Variants in DTNBP1 observed in about 807,000 individuals in gnomAD.
DTNBP1 encodes dystrobrevin binding protein 1.
A neutral mutation model predicts 42.8 loss-of-function variants in DTNBP1; 35 were observed. The observed-to-expected ratio is 0.82, with a 90% CI of 0.63 to 1.09. The LOEUF (loss-of-function observed/expected upper bound fraction) is 1.09, where lower values mean the gene tolerates loss of function less well. Among genes scored for constraint, DTNBP1 ranks in the 50% least tolerant of loss-of-function variants. DTNBP1 has a pLI of 0.00. For missense variants in DTNBP1, 457 were observed against 424.2 expected (o/e 1.08, Z -0.68); for synonymous variants, 171 against 162.2 (o/e 1.05, Z -0.41).
intron 5 of DTNBP1, among the ~76,000 whole-genome samples, chr6:15,624,645 A>T (rs922034791): frequency 1.2e-4 from 18 of 152,362 alleles, no homozygotes; most frequent in Non-Finnish European, 1.8e-4. Context: ...TACATTTGAC[A>T]GTGAAAGGGC....
At chr6:15,647,015 TTAAAC>T (rs200347261) in intron 3 of DTNBP1, among the ~76,000 whole-genome samples, 4,366 of 152,016 alleles carry the variant, frequency 0.029, 85 homozygotes, top group South Asian at 0.052. Flanking sequence ...CAAATGGGAC[TTAAAC>T]TAAAGAGCTT....
chr6:15,607,118 C>T (rs922829066), intron 6 of DTNBP1, among the ~76,000 whole-genome samples: 1 of 150,174 alleles, frequency 6.7e-6, no homozygotes, highest in African/African-American at 2.5e-5. Flanking sequence ...TCAAGCAATT[C>T]TCCTGCCTTA....
intron 6 of DTNBP1, among the ~76,000 whole-genome samples, chr6:15,594,748 T>A (rs766162857): frequency 6.6e-6 from 1 of 151,786 alleles, no homozygotes; most frequent in Non-Finnish European, 1.5e-5. Flanking sequence ...CAGTTCAATA[T>A]TCTAATGAGT....
At chr6:15,536,081 T>G (rs113909936) in intron 7 of DTNBP1, among the ~76,000 whole-genome samples, 1 of 152,244 alleles carries the variant, frequency 6.6e-6, no homozygotes, top group Admixed American at 6.5e-5. Context: ...GCTTTCAGTT[T>G]TATGTGTTCA....
intron 7 of DTNBP1, among the ~76,000 whole-genome samples, chr6:15,589,006 G>C (rs1020177639): frequency 6.6e-6 from 1 of 152,190 alleles, no homozygotes; most frequent in African/African-American, 2.4e-5. Context: ...GAGGACAGAG[G>C]ACAGTAACAT....
intron 4 of DTNBP1, among the ~76,000 whole-genome samples, chr6:15,636,597 T>A (rs1760038505): frequency 6.6e-6 from 1 of 152,232 alleles, no homozygotes. Flanking sequence ...GGTTTCCTTG[T>A]TGACTCCTTT....
intron 6 of DTNBP1, among the ~76,000 whole-genome samples, chr6:15,599,753 C>T (rs1776654306): frequency 6.6e-6 from 1 of 152,138 alleles, no homozygotes; most frequent in Non-Finnish European, 1.5e-5. Context: ...CACTGGTGTA[C>T]TAGTGTTTAA....
At chr6:15,569,579 G>A (rs11970057) in intron 7 of DTNBP1, among the ~76,000 whole-genome samples, 2,932 of 152,156 alleles carry the variant, frequency 0.019, 106 homozygotes, top group African/African-American at 0.066. Context: ...CCTTCTCCAC[G>A]GAAAGCCTTG....
At chr6:15,604,363 C>T (rs1281919597) in intron 6 of DTNBP1, among the ~76,000 whole-genome samples, 1 of 152,176 alleles carries the variant, frequency 6.6e-6, no homozygotes, top group African/African-American at 2.4e-5. Flanking sequence ...TGCAGAACTG[C>T]AGAAGCTAGT....
At chr6:15,594,741 T>C (rs891128986) in intron 6 of DTNBP1, among the ~76,000 whole-genome samples, 11 of 152,004 alleles carry the variant, frequency 7.2e-5, no homozygotes, top group Admixed American at 4.6e-4. Flanking sequence ...GAACACTCAG[T>C]TCAATATTCT....
chr6:15,523,098 A>G lies in DTNBP1; in HGVS notation c.933T>C (p.Ser311=), dbSNP rs771057535. ...GAACAACGGGGGACTCCCCACCCTCACTGATGTCCCGGGTGGCCGAGTCGG... is the reference window on the plus strand; with the variant it reads ...GAACAACGGGGGACTCCCCACCCTCGCTGATGTCCCGGGTGGCCGAGTCGG... The part of the protein sequence containing the change: ...TCTDSATRDI[S]EGGESPVVQS... Residue 311 remains serine (S), a synonymous_variant, in exon 10 of 10, where the codon AGT becomes AGC. Transcript: ENST00000344537. 1.2e-6 allele frequency: 2 copies of G among 1,613,974 alleles called. No homozygotes were observed. Among genetic ancestry groups the G allele is most frequent in the Non-Finnish European group, 1.7e-6 (2 of 1,180,028 alleles).
chr6:15,605,232 A>G (rs1757975362), intron 6 of DTNBP1, among the ~76,000 whole-genome samples: 1 of 152,236 alleles, frequency 6.6e-6, no homozygotes, highest in Non-Finnish European at 1.5e-5. Context: ...TTATTGTGAG[A>G]GAACTTCAAT....
intron 7 of DTNBP1, among the ~76,000 whole-genome samples, chr6:15,554,432 C>G (rs985957098): frequency 1.3e-5 from 2 of 151,978 alleles, no homozygotes; most frequent in Non-Finnish European, 2.9e-5. Context: ...TAACCATGAA[C>G]CTAGGATGGG....
chr6:15,565,715 G>C (rs1206124754), intron 7 of DTNBP1, among the ~76,000 whole-genome samples: 2 of 152,194 alleles, frequency 1.3e-5, no homozygotes, highest in African/African-American at 4.8e-5. Context: ...AGGCAGAAAG[G>C]AATCTTTTTG....
chr6:15,525,136 C>A (rs1006897582), intron 8 of DTNBP1, among the ~76,000 whole-genome samples: 1 of 152,218 alleles, frequency 6.6e-6, no homozygotes, highest in Non-Finnish European at 1.5e-5. Context: ...TCGGGCCTAA[C>A]GGCAGAAGGG....
chr6:15,610,854 G>C (rs1173004031), intron 6 of DTNBP1, among the ~76,000 whole-genome samples: 1 of 152,230 alleles, frequency 6.6e-6, no homozygotes, highest in Non-Finnish European at 1.5e-5. Flanking sequence ...GCAGAGGTTG[G>C]TTCATGGAAT....
chr6:15,652,570 C>T (rs1369418527), intron 1 of DTNBP1, among the ~76,000 whole-genome samples: 1 of 151,680 alleles, frequency 6.6e-6, no homozygotes, highest in Admixed American at 6.6e-5. Flanking sequence ...TTAAGTACCT[C>T]AAAAGACAAC....
At chr6:15,629,971 G>A (rs1161794878) in intron 4 of DTNBP1, among the ~76,000 whole-genome samples, 3 of 152,078 alleles carry the variant, frequency 2.0e-5, no homozygotes, top group African/African-American at 7.2e-5. Flanking sequence ...ATTTCTTAAT[G>A]ATTAAAAAAA....
intron 4 of DTNBP1, among the ~76,000 whole-genome samples, chr6:15,627,749 C>A (rs991035124): frequency 6.6e-6 from 1 of 151,244 alleles, no homozygotes; most frequent in Non-Finnish European, 1.5e-5. Context: ...TCTAAGTATA[C>A]CCTGTTTTAA....
Sources: allele counts gnomAD v4.1 joint callset (sites outside exome capture counted in the v4.1 genomes callset), GRCh38; gene constraint gnomAD v4.1.1; transcripts MANE v1.5; gene names NCBI Gene and HGNC (gene_info 2026-07-23, HGNC 2026-07-21).